The following AKAP13 variants were observed in gnomAD, a reference collection of about 807,000 sequenced individuals.
AKAP13 encodes A-kinase anchoring protein 13.
In AKAP13, 80 loss-of-function variants were observed where a neutral mutation model predicts 264.5. The ratio of observed to expected loss-of-function variants is 0.30; its 90% CI spans 0.25 to 0.36. AKAP13 has a LOEUF of 0.36. Ranked by LOEUF, AKAP13 falls within the 10% of genes least tolerant of loss-of-function variation. AKAP13 has a pLI of 1.00. For synonymous variants in AKAP13, 1,380 were observed against 1,250.2 expected (o/e 1.10, Z -2.19); for missense variants, 3,712 against 3,435.2 (o/e 1.08, Z -2.01).
intron 10 of AKAP13, among the ~76,000 whole-genome samples, chr15:85,648,279 TA>T (rs36039445): frequency 0.21 from 31,280 of 152,208 alleles, 4,283 homozygotes; most frequent in Middle Eastern, 0.42. Flanking sequence ...AATTTTAACG[TA>T]AAAAGTTTTT....
At chr15:85,678,496 A>G (rs561397513) in intron 14 of AKAP13, among the ~76,000 whole-genome samples, 2 of 152,326 alleles carry the variant, frequency 1.3e-5, no homozygotes, top group Admixed American at 6.5e-5. Flanking sequence ...CCCAGTTGTA[A>G]TAGAAGGAAG....
intron 29 of AKAP13, among the ~76,000 whole-genome samples, chr15:85,728,378 G>C (rs2087746885): frequency 6.6e-6 from 1 of 152,208 alleles, no homozygotes; most frequent in African/African-American, 2.4e-5. Context: ...CTTTAGACCA[G>C]AGCCAGAGTT....
chr15:85,595,977 C>T (rs548734307), intron 8 of AKAP13, among the ~76,000 whole-genome samples: 9 of 152,318 alleles, frequency 5.9e-5, no homozygotes, highest in Middle Eastern at 3.4e-3. Flanking sequence ...TGTGTGTTCT[C>T]CCTTCCTGCC....
chr15:85,427,482 T>C (rs2072846432), intron 1 of AKAP13, among the ~76,000 whole-genome samples: 1 of 152,132 alleles, frequency 6.6e-6, no homozygotes, highest in Admixed American at 6.5e-5. Context: ...TGCAAGTCTA[T>C]CGACTCCTCT....
intron 1 of AKAP13, among the ~76,000 whole-genome samples, chr15:85,472,954 T>C (rs187117420): frequency 5.3e-4 from 80 of 152,318 alleles, no homozygotes; most frequent in African/African-American, 1.8e-3. Context: ...CACAAGAATA[T>C]AGCTAGAGAA....
rs1488076198 is a variant in AKAP13 at position 85,655,470 on chromosome 15, T to C, written c.4428T>C (p.Asp1476=). The C allele has an allele frequency of 3.1e-6, 5 of 1,614,216 alleles. No homozygotes were observed. In the Admixed American group the frequency reaches 8.3e-5, roughly 27 times the overall value. The change falls in exon 11 of 37, where the codon GAT becomes GAC. Residue 1476 remains aspartate (D), a synonymous_variant. Transcript: ENST00000394518. ...CDITGSSSST[D]DTASLDRHSS... is the part of the protein sequence containing the mutation. The stretch of plus-strand genomic sequence containing the variant: ...TCACCGGATCCAGTTCATCCACCGA[T>C]GACACGGCTTCACTGGACCGACATT...
At chr15:85,471,801 C>T (rs2074970929) in intron 1 of AKAP13, among the ~76,000 whole-genome samples, 1 of 152,158 alleles carries the variant, frequency 6.6e-6, no homozygotes. Flanking sequence ...CTTATACTAG[C>T]TCTGTTTATT....
At chr15:85,710,743 T>C in intron 19 of AKAP13, 98 bp downstream of exon 19, 1 of 1,309,214 alleles carries the variant, frequency 7.6e-7, no homozygotes, top group Non-Finnish European at 1.1e-6. Context: ...ATAGTCAAGA[T>C]ATGAATACCT....
chr15:85,612,946 G>A (rs1183622997), intron 8 of AKAP13, among the ~76,000 whole-genome samples: 2 of 152,166 alleles, frequency 1.3e-5, no homozygotes, highest in Non-Finnish European at 2.9e-5. Context: ...TGCACTTACG[G>A]GCTTCATGAA....
chr15:85,440,238 A>G (rs900984297), intron 1 of AKAP13, among the ~76,000 whole-genome samples: 5 of 152,170 alleles, frequency 3.3e-5, no homozygotes, highest in Non-Finnish European at 4.4e-5. Context: ...TCTTTTGACC[A>G]TGACTAGCAG....
intron 8 of AKAP13, among the ~76,000 whole-genome samples, chr15:85,623,724 C>G (rs890406329): frequency 6.6e-6 from 1 of 152,170 alleles, no homozygotes; most frequent in African/African-American, 2.4e-5. Flanking sequence ...CCTTGGTCAC[C>G]CACCTGTCTG....
chr15:85,741,516 G>T (rs1340960413), intron 35 of AKAP13, 21 bp downstream of exon 35: 4 of 1,555,066 alleles, frequency 2.6e-6, no homozygotes, highest in Non-Finnish European at 3.5e-6. Flanking sequence ...TCCCTGCCGA[G>T]AGCAACCTAA....
Position 85,718,765 on chromosome 15 carries a change from T to A in AKAP13, c.6002-311T>A, listed in dbSNP as rs989016280. 6.3e-6 allele frequency: 2 copies of A among 318,672 alleles called. No homozygotes were observed. The allele number at this position is 318,672 out of a possible 1,614,324, so 19.7% of individuals were successfully genotyped here. A position where few individuals can be genotyped will look rare whatever the true frequency, so the allele number is the denominator to read the frequency against. On this transcript the variant is annotated intron_variant, in intron 22 of 36. Coordinates refer to ENST00000394518, the MANE Select transcript of AKAP13 (RefSeq NM_007200.5). This position sits in a 1 kb window ranked among gnomAD's most constrained non-coding sequence, Gnocchi z 4.9. ...AAATACAAAAATCAGCCAGGCGTGA[T>A]GGCATGTACCTGCAGCCCCAGCTGC... is the stretch of plus-strand genomic sequence containing the variant.
At chr15:85,573,576 T>TAAATAAATAAATAAATAAATAA (rs879294735) in intron 5 of AKAP13, among the ~76,000 whole-genome samples, 2 of 88,752 alleles carry the variant, frequency 2.3e-5, no homozygotes, top group African/African-American at 9.5e-5. Flanking sequence ...TAAATAAATA[T>TAAATAAATAAATAAATAAATAA]GATATGATAT....
intron 1 of AKAP13, among the ~76,000 whole-genome samples, chr15:85,440,544 A>G (rs1425827576): frequency 3.9e-5 from 6 of 152,156 alleles, no homozygotes; most frequent in African/African-American, 9.7e-5. Flanking sequence ...TCTTCTTTCT[A>G]TATTCATCAG....
At chr15:85,619,535 T>G in intron 8 of AKAP13, 10 of 985,380 alleles carry the variant, frequency 1.0e-5, no homozygotes, top group Non-Finnish European at 1.2e-5. Flanking sequence ...GAAAAGTAGA[T>G]TTTCTTTGTC....
At chr15:85,516,362 G>A (rs769574866) in intron 2 of AKAP13, among the ~76,000 whole-genome samples, 17 of 152,198 alleles carry the variant, frequency 1.1e-4, no homozygotes, top group Non-Finnish European at 2.2e-4. Flanking sequence ...CAGATGTAAA[G>A]TGATATACCA....
intron 1 of AKAP13, among the ~76,000 whole-genome samples, chr15:85,394,565 C>G (rs1018099714): frequency 1.1e-4 from 17 of 152,154 alleles, no homozygotes; most frequent in Non-Finnish European, 2.2e-4. Context: ...AATAATAGCT[C>G]TATAACTAGA....
At chr15:85,696,072 C>T (rs1181238739) in intron 17 of AKAP13, among the ~76,000 whole-genome samples, 1 of 152,184 alleles carries the variant, frequency 6.6e-6, no homozygotes, top group African/African-American at 2.4e-5. Context: ...ACATACAAGT[C>T]CTACTGTGCC....
Sources: allele counts gnomAD v4.1 joint callset (sites outside exome capture counted in the v4.1 genomes callset), GRCh38; gene constraint gnomAD v4.1.1; non-coding constraint Gnocchi (gnomAD v3.1); transcripts MANE v1.5; gene names NCBI Gene and HGNC (gene_info 2026-07-23, HGNC 2026-07-21).